Variants in PAM observed in about 807,000 individuals in gnomAD.
PAM encodes the protein peptidylglycine alpha-amidating monooxygenase.
In PAM, 72 loss-of-function variants were observed where a neutral mutation model predicts 122.1. The observed-to-expected ratio is 0.59, with a 90% CI of 0.49 to 0.72. The LOEUF is 0.72. Ranked by LOEUF, PAM falls within the 30% of genes least tolerant of loss-of-function variation. The pLI, the probability that PAM is intolerant of heterozygous loss-of-function variation, is 0.00. For missense variants in PAM, 1,106 were observed against 1,183.7 expected (o/e 0.93, Z 0.96); for synonymous variants, 389 against 404.4 (o/e 0.96, Z 0.46).
chr5:102,779,826 A>G (rs1301766337), intron 1 of PAM, among the ~76,000 whole-genome samples: 3 of 147,964 alleles, frequency 2.0e-5, no homozygotes, highest in Non-Finnish European at 4.5e-5. Context: ...CCTCGCCTGC[A>G]GACGGCCTAT....
chr5:103,025,262 C>G lies in PAM; in HGVS notation c.2617C>G (p.Leu873Val), dbSNP rs746622238. 2 of 1,613,632 alleles carry G rather than the reference C, an allele frequency of 1.2e-6. No homozygotes were observed. Among genetic ancestry groups the G allele is most frequent in the East Asian group, 4.5e-5 (2 of 44,884 alleles). Residue 873 changes from leucine (L) to valine (V), a missense_variant, in exon 24 of 26, where the codon CTG (leucine) becomes GTG (valine). This residue lies in a region of PAM where 333 missense variants were observed against 335.6 expected (regional missense o/e 0.99). Transcript: ENST00000438793. ...GVPVVLITTL[L>V]VIPVVVLLAI... ...GCCTGTTGTTCTCATTACAACCCTT[C>G]TGGTTATTCCGGTGGTTGTCCTGCT...
intron 1 of PAM, among the ~76,000 whole-genome samples, chr5:102,863,485 T>C (rs992861054): frequency 6.6e-6 from 1 of 152,140 alleles, no homozygotes; most frequent in African/African-American, 2.4e-5. Context: ...ATAGTACTCA[T>C]ATAGAATACT....
intron 7 of PAM, among the ~76,000 whole-genome samples, chr5:102,940,806 G>T (rs1249312917): frequency 6.6e-6 from 1 of 152,036 alleles, no homozygotes; most frequent in African/African-American, 2.4e-5. Flanking sequence ...TCAGGAAGGG[G>T]ACGTGAGTGG....
At chr5:102,810,657 C>CCT (rs369554158) in intron 1 of PAM, among the ~76,000 whole-genome samples, 2,174 of 152,060 alleles carry the variant, frequency 0.014, 56 homozygotes, top group African/African-American at 0.05. Context: ...ATGGAGAACC[C>CCT]GTCTGTACTA....
chr5:102,852,059 G>A (rs1781467074), intron 1 of PAM, among the ~76,000 whole-genome samples: 1 of 152,134 alleles, frequency 6.6e-6, no homozygotes, highest in African/African-American at 2.4e-5. Context: ...AACCAATGTG[G>A]AAGCTGCTTT....
intron 14 of PAM, among the ~76,000 whole-genome samples, chr5:102,972,091 G>C (rs1319196230): frequency 2.0e-5 from 3 of 152,044 alleles, no homozygotes; most frequent in African/African-American, 7.2e-5. Flanking sequence ...TTTTATCACA[G>C]CTTTTAGATT....
chr5:102,816,017 G>A (rs752764950), intron 1 of PAM, among the ~76,000 whole-genome samples: 5 of 151,974 alleles, frequency 3.3e-5, no homozygotes, highest in Non-Finnish European at 7.4e-5. Flanking sequence ...TGGGTTTAGC[G>A]GTTTTTAAAC....
At chr5:102,948,030 T>C (rs983698629) in intron 8 of PAM, among the ~76,000 whole-genome samples, 2 of 152,130 alleles carry the variant, frequency 1.3e-5, no homozygotes, top group African/African-American at 4.8e-5. Context: ...ATGGACTGGA[T>C]GAAGCCCACC....
chr5:102,864,545 T>C (rs1785007419), intron 1 of PAM: 1 of 152,226 alleles, frequency 6.6e-6, no homozygotes, highest in Admixed American at 6.5e-5. Context: ...GCACTTATCA[T>C]GAAGAATCTC....
intron 1 of PAM, among the ~76,000 whole-genome samples, chr5:102,828,965 G>A (rs893215081): frequency 6.9e-6 from 1 of 145,262 alleles, no homozygotes; most frequent in Non-Finnish European, 1.5e-5. Context: ...TATTGCCTAG[G>A]CTGGTCTCAA....
At chr5:102,954,617 A>G (rs948786345) in intron 12 of PAM, among the ~76,000 whole-genome samples, 1 of 151,988 alleles carries the variant, frequency 6.6e-6, no homozygotes, top group African/African-American at 2.4e-5. Flanking sequence ...AGTACTACTA[A>G]TTGTTCTATG....
At chr5:102,802,079 G>A (rs1227935147) in intron 1 of PAM, among the ~76,000 whole-genome samples, 1 of 152,016 alleles carries the variant, frequency 6.6e-6, no homozygotes, top group East Asian at 1.9e-4. Context: ...CACCGCGCCC[G>A]GCCGGGAAAA....
In PAM at chr5:102,900,865, T is replaced by TA. The variant is rs546646192; in HGVS notation, c.211-484dup. Among the ~76,000 whole-genome samples, 44 of 151,654 alleles carry TA rather than the reference T, an allele frequency of 2.9e-4. No homozygotes were observed. In the East Asian group the frequency reaches 8.0e-3, roughly 28 times the overall value. On this transcript the variant is annotated intron_variant, in intron 3 of 25. Transcript: ENST00000438793. ...ATGTTGATTTCTTCAATGTATTACATAAAAAAATTTAAAGTAAGGGAGGGC... is the reference window on the plus strand; with the variant it reads ...ATGTTGATTTCTTCAATGTATTACATAAAAAAAATTTAAAGTAAGGGAGGGC...
chr5:102,786,279 C>G (rs1221853467), intron 1 of PAM, among the ~76,000 whole-genome samples: 3 of 152,208 alleles, frequency 2.0e-5, no homozygotes, highest in Non-Finnish European at 2.9e-5. Context: ...TACTTAAACT[C>G]TGAGCGTCTT....
At chr5:102,770,841 G>A (rs1050440503) in intron 1 of PAM, among the ~76,000 whole-genome samples, 6 of 151,868 alleles carry the variant, frequency 4.0e-5, no homozygotes, top group Non-Finnish European at 7.4e-5. Flanking sequence ...TGTGGTATCA[G>A]GGTAATATTG....
Position 102,865,943 on chromosome 5 carries a change from A to AGGAAAGCTTCCGCCTGC in PAM, c.-250_-234dup. The AGGAAAGCTTCCGCCTGC allele has an allele frequency of 2.4e-6, 1 of 418,132 alleles. No individual in the cohort carries two copies. The highest frequency in any genetic ancestry group is 4.2e-6 in the Non-Finnish European group (1 of 239,292). The allele number at this position is 418,132 out of a possible 1,614,324, so 25.9% of individuals were successfully genotyped here. On this transcript the variant is annotated 5_prime_UTR_variant, in exon 2 of 26. Coordinates refer to ENST00000438793, the MANE Select transcript of PAM (RefSeq NM_001177306.2). Reference sequence around the variant, plus strand: ...AGGGCACGCGAGCGGCGCTGGAGGGAGGAAAGCTTCCGCCTGCGGGCCGGA... The same window carrying AGGAAAGCTTCCGCCTGC: ...AGGGCACGCGAGCGGCGCTGGAGGGAGGAAAGCTTCCGCCTGCGGAAAGCTTCCGCCTGCGGGCCGGA...
At chr5:102,991,847 C>G (rs147968176) in intron 16 of PAM, among the ~76,000 whole-genome samples, 172 of 152,232 alleles carry the variant, frequency 1.1e-3, no homozygotes, top group Non-Finnish European at 2.2e-3. Flanking sequence ...TTCATAGTAG[C>G]ATATTCTTCA....
intron 6 of PAM, 105 bp downstream of exon 6, chr5:102,925,147 A>G: frequency 2.8e-6 from 2 of 710,180 alleles, no homozygotes; most frequent in Non-Finnish European, 2.6e-6. Context: ...AGTGTTCTGT[A>G]TTGCTGCTTC....
chr5:103,024,740 C>T (rs534685070), intron 23 of PAM, among the ~76,000 whole-genome samples: 6 of 152,182 alleles, frequency 3.9e-5, no homozygotes, highest in South Asian at 2.1e-4. Context: ...CAAAGTTATA[C>T]GGCTAGTATA....
Sources: allele counts gnomAD v4.1 joint callset (sites outside exome capture counted in the v4.1 genomes callset), GRCh38; gene constraint gnomAD v4.1.1; regional missense constraint gnomAD v4.1.1; transcripts MANE v1.5; gene names NCBI Gene and HGNC (gene_info 2026-07-23, HGNC 2026-07-21).